Variants in RTN4R observed in about 807,000 individuals in gnomAD.
RTN4R encodes the protein reticulon 4 receptor, also known as reticulon-4 receptor.
In RTN4R, 4 loss-of-function variants were observed where a neutral mutation model predicts 27.7. The observed-to-expected ratio is 0.14, with a 90% confidence interval of 0.07 to 0.33. RTN4R has a LOEUF of 0.33. Among genes scored for constraint, RTN4R ranks in the 10% least tolerant of loss-of-function variants. RTN4R has a pLI of 1.00. For missense variants in RTN4R, 554 were observed against 671.5 expected (o/e 0.83, Z 1.93); for synonymous variants, 290 against 305.6 (o/e 0.95, Z 0.53).
chr22:20,265,031 A>G (rs2051269372), intron 1 of RTN4R, among the ~76,000 whole-genome samples: 1 of 152,180 alleles, frequency 6.6e-6, no homozygotes, highest in African/African-American at 2.4e-5. Context: ...TGCACAGACC[A>G]AGGCTCCCGG....
chr22:20,253,245 GAGAA>G (rs2051194572), intron 1 of RTN4R, among the ~76,000 whole-genome samples: 1 of 152,224 alleles, frequency 6.6e-6, no homozygotes, highest in Non-Finnish European at 1.5e-5. Flanking sequence ...AGCCTCAGCA[GAGAA>G]AGAAGGCTTG....
chr22:20,242,103 C>A lies in RTN4R; in HGVS notation c.1030G>T (p.Ala344Ser), dbSNP rs1276165055. 2 of 1,611,994 alleles carry A rather than the reference C, an allele frequency of 1.2e-6. No homozygotes were observed. Among genetic ancestry groups the A allele is most frequent in the African/African-American group, 1.3e-5 (1 of 74,926 alleles). The change falls in exon 2 of 2, where the codon GCC becomes TCC. Residue 344 changes from alanine to serine, a missense_variant. Ala to Ser is a moderately conservative substitution (Grantham distance 99, BLOSUM62 1). This residue lies in a region of RTN4R where 413 missense variants were observed against 542.3 expected (regional missense o/e 0.76). Coordinates refer to ENST00000043402, the MANE Select transcript of RTN4R (RefSeq NM_023004.6). The stretch of plus-strand genomic sequence containing the variant: ...GGTCTTCCAGGCTCCAGTACTGAGG[C>A]CTTGTCAGCGGCATCTGGCTGGCAG... ...KCCQPDAADK[A>S]SVLEPGRPAS...
rs780309985 is a variant in RTN4R, at chr22:20,242,079, G to C, written c.1054C>G (p.Pro352Ala). Reference sequence around the variant, plus strand: ...TTCAGCGCATTGCCTGCCGAAGCTGGTCTTCCAGGCTCCAGTACTGAGGCC... The same window carrying C: ...TTCAGCGCATTGCCTGCCGAAGCTGCTCTTCCAGGCTCCAGTACTGAGGCC... Reference protein sequence around the residue: ...DKASVLEPGRPASAGNALKGR... With the variant: ...DKASVLEPGRAASAGNALKGR... The change falls in exon 2 of 2, where the codon CCA (proline) becomes GCA (alanine). Residue 352 changes from proline to alanine, a missense_variant. Pro to Ala is a conservative substitution (Grantham distance 27). Around this residue, in one of 2 missense-constraint regions of RTN4R, gnomAD observed 413 missense variants for 542.3 expected, o/e 0.76. Coordinates refer to ENST00000043402, the MANE Select transcript of RTN4R (RefSeq NM_023004.6). 25 of 1,612,384 alleles carry C rather than the reference G, an allele frequency of 1.6e-5. No individual in the cohort carries two copies. Among genetic ancestry groups the C allele is most frequent in the Non-Finnish European group, 2.1e-5 (25 of 1,179,778 alleles).
At position 20,242,581 on chromosome 22, in the gene RTN4R, G is replaced by A. The variant is rs2051114914; in HGVS notation, c.552C>T (p.Phe184=). The part of the protein sequence containing the change: ...FRDLGNLTHL[F]LHGNRISSVP... ...CGCTGGAGATGCGGTTGCCGTGCAG[G>A]AAGAGGTGTGTGAGGTTGCCCAGGT... Residue 184 remains phenylalanine, a synonymous_variant, in exon 2 of 2, where the codon TTC becomes TTT. Coordinates refer to ENST00000043402, the MANE Select transcript of RTN4R (RefSeq NM_023004.6). 1 of 1,613,430 alleles carries A rather than the reference G, an allele frequency of 6.2e-7. No homozygotes were observed. The highest frequency in any genetic ancestry group is 8.5e-7 in the Non-Finnish European group (1 of 1,179,966).
At chr22:20,261,458 C>T (rs1343284861) in intron 1 of RTN4R, among the ~76,000 whole-genome samples, 1 of 152,220 alleles carries the variant, frequency 6.6e-6, no homozygotes, top group Non-Finnish European at 1.5e-5. Flanking sequence ...CCACTATGGC[C>T]GGGTCCTGTG....
chr22:20,247,374 G>A (rs145679338), intron 1 of RTN4R, among the ~76,000 whole-genome samples: 13 of 152,086 alleles, frequency 8.5e-5, no homozygotes, highest in Admixed American at 2.6e-4. Flanking sequence ...AGCTCCAGGC[G>A]GGGGTGGCGG....
Position 20,255,889 on chromosome 22 carries a change from A to G in RTN4R, c.22+12182T>C, listed in dbSNP as rs1281595842. 2.0e-5 allele frequency among the ~76,000 whole-genome samples: 3 copies of G among 152,210 alleles called. No individual in the cohort carries two copies. Among genetic ancestry groups the G allele is most frequent in the Non-Finnish European group, 4.4e-5 (3 of 68,032 alleles). ...CTCTCAGCTGCTATGAGAGCCCCCA[A>G]TGCGTCTCCACAACCAAACCGAGGC... On this transcript the variant is annotated intron_variant, in intron 1 of 1. Transcript: ENST00000043402. The surrounding 1 kb of genome is among the most constrained non-coding windows in gnomAD (Gnocchi z 4.8).
At chr22:20,250,836 TACACACACACACATGCATGCAC>T (rs2051171667) in intron 1 of RTN4R, among the ~76,000 whole-genome samples, 1 of 150,778 alleles carries the variant, frequency 6.6e-6, no homozygotes, top group South Asian at 2.1e-4. Context: ...TAGCTGGGAT[TACACACACACACATGCATGCAC>T]ACACACACAC....
intron 1 of RTN4R, among the ~76,000 whole-genome samples, chr22:20,251,378 C>T (rs1026731227): frequency 1.1e-4 from 16 of 152,068 alleles, no homozygotes; most frequent in Non-Finnish European, 1.9e-4. Flanking sequence ...AACAGGATGC[C>T]CTGGACCACC....
Position 20,242,140 on chromosome 22 carries a change from C to A in RTN4R, c.993G>T (p.Gly331=). ...TGRATDEEPL[G]LPKCCQPDAA... is the part of the protein sequence containing the mutation. ...CATCTGGCTGGCAGCACTTGGGAAGCCCCAGCGGCTCCTCATCGGTGGCCC... is the reference window on the plus strand; with the variant it reads ...CATCTGGCTGGCAGCACTTGGGAAGACCCAGCGGCTCCTCATCGGTGGCCC... The change falls in exon 2 of 2, where the codon GGG becomes GGT. Residue 331 remains glycine, a synonymous_variant. Transcript: ENST00000043402. 6.2e-7 allele frequency: 1 copy of A among 1,612,344 alleles called. No homozygotes were observed. Among genetic ancestry groups the A allele is most frequent in the Non-Finnish European group, 8.5e-7 (1 of 1,179,656 alleles).
intron 1 of RTN4R, among the ~76,000 whole-genome samples, chr22:20,251,672 C>G (rs1447697053): frequency 2.8e-5 from 1 of 35,562 alleles, no homozygotes; most frequent in Non-Finnish European, 6.4e-5. Context: ...ATCCTCAACA[C>G]CATCCTCAAC....
At chr22:20,246,568 G>A (rs189652039) in intron 1 of RTN4R, among the ~76,000 whole-genome samples, 1 of 152,140 alleles carries the variant, frequency 6.6e-6, no homozygotes, top group African/African-American at 2.4e-5. Context: ...CAGGCAGGCG[G>A]CTGCTGAGGT....
Position 20,243,321 on chromosome 22 carries a change from C to T in RTN4R, c.23-211G>A. 7.2e-6 allele frequency: 5 copies of T among 696,142 alleles called. No homozygotes were observed. In the Admixed American group the frequency reaches 1.0e-4, roughly 14 times the overall value. The allele number at this position is 696,142 out of a possible 1,614,324, so 43.1% of individuals were successfully genotyped here. On this transcript the variant is annotated intron_variant, in intron 1 of 1. Coordinates refer to ENST00000043402, the MANE Select transcript of RTN4R (RefSeq NM_023004.6). Reference sequence around the variant, plus strand: ...TGCTGGGCTAGAACATGCCTTGGAGCCATGCACTCCACCCTGGAAGCCACA... The same window carrying T: ...TGCTGGGCTAGAACATGCCTTGGAGTCATGCACTCCACCCTGGAAGCCACA...
rs145089296 is a variant in RTN4R, at chr22:20,266,030, C to A, written c.22+2041G>T. On this transcript the variant is annotated intron_variant, in intron 1 of 1. Coordinates refer to ENST00000043402, the MANE Select transcript of RTN4R (RefSeq NM_023004.6). Reference sequence around the variant, plus strand: ...TCTGCCACGGCAGGCCCTGCACGTGCCCCTCTGCCAGGTGGCGTCTAGGTG... The same window carrying A: ...TCTGCCACGGCAGGCCCTGCACGTGACCCTCTGCCAGGTGGCGTCTAGGTG... 5.3e-3 allele frequency among the ~76,000 whole-genome samples: 800 copies of A among 152,378 alleles called. 19 individuals carry two copies. In the East Asian group the frequency reaches 0.066, roughly 13 times the overall value.
chr22:20,241,755 G>A lies in RTN4R; in HGVS notation c.1378C>T (p.Leu460=). ...LPSLTCSLTP[L]GLALVLWTVL... ...GTCCACAGCACCAGCGCCAGGCCCAGGGGGGTGAGGCTGCAGGTGAGGCTG... is the reference window on the plus strand; with the variant it reads ...GTCCACAGCACCAGCGCCAGGCCCAAGGGGGTGAGGCTGCAGGTGAGGCTG... Residue 460 remains leucine (L), a synonymous_variant, in exon 2 of 2, where the codon CTG becomes TTG. Coordinates refer to ENST00000043402, the MANE Select transcript of RTN4R (RefSeq NM_023004.6). The A allele has an allele frequency of 6.4e-7, 1 of 1,552,436 alleles. No homozygotes were observed. Among genetic ancestry groups the A allele is most frequent in the South Asian group, 1.2e-5 (1 of 84,428 alleles).
intron 1 of RTN4R, chr22:20,248,986 G>A (rs900406034): frequency 7.5e-6 from 3 of 401,868 alleles, no homozygotes; most frequent in East Asian, 7.2e-5. Context: ...CACACTGGGG[G>A]CCCCTGGAGG....
intron 1 of RTN4R, among the ~76,000 whole-genome samples, chr22:20,263,025 C>T (rs1279090789): frequency 1.3e-5 from 2 of 152,248 alleles, no homozygotes; most frequent in Non-Finnish European, 2.9e-5. Flanking sequence ...CCTAGCCCTG[C>T]CCCCTTCCTT....
rs963034763 is a variant in RTN4R at position 20,255,122 on chromosome 22, C to T, written c.23-12012G>A. Among the ~76,000 whole-genome samples the T allele has an allele frequency of 6.6e-6, 1 of 152,142 alleles. No homozygotes were observed. The highest frequency in any genetic ancestry group is 6.5e-5 in the Admixed American group (1 of 15,286). On this transcript the variant is annotated intron_variant, in intron 1 of 1. Transcript: ENST00000043402. The surrounding 1 kb of genome is among the most constrained non-coding windows in gnomAD (Gnocchi z 4.8). The stretch of plus-strand genomic sequence containing the variant: ...CGACAGTGGCTGCCTCCCAGGAGGA[C>T]GCGGGGCAGGGGCAGATTGAGCCCA...
At chr22:20,260,853 T>C (rs1359186983) in intron 1 of RTN4R, among the ~76,000 whole-genome samples, 8 of 152,160 alleles carry the variant, frequency 5.3e-5, no homozygotes, top group East Asian at 3.9e-4. Context: ...GAGCTCCTGC[T>C]GGAACCCAAA....
Sources: allele counts gnomAD v4.1 joint callset (sites outside exome capture counted in the v4.1 genomes callset), GRCh38; gene constraint gnomAD v4.1.1; regional missense constraint gnomAD v4.1.1; non-coding constraint Gnocchi (gnomAD v3.1); transcripts MANE v1.5; gene names NCBI Gene and HGNC (gene_info 2026-07-23, HGNC 2026-07-21).